Variants in PDZRN3 observed in about 807,000 individuals in gnomAD.
The protein encoded by PDZRN3 is PDZ domain containing ring finger 3, also known as E3 ubiquitin-protein ligase PDZRN3.
PDZRN3 carries 38 observed loss-of-function variants against 85.7 expected under a neutral mutation model. The ratio of observed to expected loss-of-function variants is 0.44; its 90% CI spans 0.34 to 0.58. The LOEUF is 0.58. Among genes scored for constraint, PDZRN3 ranks in the 20% least tolerant of loss-of-function variants. PDZRN3 has a pLI of 0.01. For missense variants in PDZRN3, 1,629 were observed against 1,506.4 expected (o/e 1.08, Z -1.35); for synonymous variants, 759 against 638.0 (o/e 1.19, Z -2.86).
intron 3 of PDZRN3, among the ~76,000 whole-genome samples, chr3:73,492,569 C>T (rs770341158): frequency 2.6e-5 from 4 of 152,130 alleles, no homozygotes; most frequent in Non-Finnish European, 4.4e-5. Context: ...AAGAACACCC[C>T]GCTTCACAGG....
intron 3 of PDZRN3, among the ~76,000 whole-genome samples, chr3:73,522,381 G>T (rs1245820402): frequency 1.3e-5 from 2 of 152,126 alleles, no homozygotes; most frequent in African/African-American, 4.8e-5. Flanking sequence ...CTTACCTTGG[G>T]GCCATAAGCA....
rs372427385 is a variant in PDZRN3, at chr3:73,544,389, AT to A, written c.918+57964del. On this transcript the variant is annotated intron_variant, in intron 3 of 9. Coordinates refer to ENST00000263666, the MANE Select transcript of PDZRN3 (RefSeq NM_015009.3). The stretch of plus-strand genomic sequence containing the variant: ...ATTTTGAACTGTTACGTATTTTTGG[AT>A]TTTTTTTTTCCTATTAAGCCTTTAA... Among the ~76,000 whole-genome samples the A allele has an allele frequency of 8.0e-3, 1,197 of 150,028 alleles. 14 individuals are homozygous for A. Among genetic ancestry groups the A allele is most frequent in the African/African-American group, 0.027 (1,115 of 40,926 alleles).
At chr3:73,565,260 C>G (rs1218238454) in intron 3 of PDZRN3, among the ~76,000 whole-genome samples, 1 of 151,818 alleles carries the variant, frequency 6.6e-6, no homozygotes, top group African/African-American at 2.4e-5. Context: ...TCCCAAGTAG[C>G]TGGGATTACA....
rs529922367 is a variant in PDZRN3, at chr3:73,597,409, A to G, written c.918+4945T>C. On this transcript the variant is annotated intron_variant, in intron 3 of 9. Transcript: ENST00000263666. ...AATCATATCCTCGGGTCTTCAAATC[A>G]TAACACTTGCAAGATGAATGCATAT... is the stretch of plus-strand genomic sequence containing the variant. Among the ~76,000 whole-genome samples, 3 of 152,368 alleles carry G rather than the reference A, an allele frequency of 2.0e-5. No homozygotes were observed. In the East Asian group the frequency reaches 5.8e-4, roughly 29 times the overall value.
At chr3:73,413,852 G>A (rs551015585) in intron 3 of PDZRN3, among the ~76,000 whole-genome samples, 3 of 152,196 alleles carry the variant, frequency 2.0e-5, no homozygotes, top group South Asian at 2.1e-4. Flanking sequence ...GGGCACGTGC[G>A]CTTTACCCTG....
intron 3 of PDZRN3, among the ~76,000 whole-genome samples, chr3:73,553,620 G>A (rs1296338857): frequency 6.6e-6 from 1 of 151,530 alleles, no homozygotes; most frequent in Non-Finnish European, 1.5e-5. Context: ...CAGAGACAAG[G>A]AAACTAAAGG....
intron 3 of PDZRN3, chr3:73,404,680 G>C (rs962263625): frequency 8.6e-6 from 3 of 347,708 alleles, no homozygotes; most frequent in Non-Finnish European, 1.6e-5. Flanking sequence ...TGCTAATCTT[G>C]CCTGTGAAAG....
chr3:73,457,936 T>A (rs895560954), intron 3 of PDZRN3, among the ~76,000 whole-genome samples: 11 of 152,192 alleles, frequency 7.2e-5, no homozygotes, highest in Admixed American at 1.3e-4. Flanking sequence ...CTGTTGTTTA[T>A]AAGCCACCTA....
intron 3 of PDZRN3, among the ~76,000 whole-genome samples, chr3:73,540,318 A>G (rs1047405903): frequency 3.3e-5 from 5 of 152,178 alleles, no homozygotes; most frequent in African/African-American, 1.2e-4. Flanking sequence ...TATTCTGTTC[A>G]GGTTACTCCC....
intron 1 of PDZRN3, among the ~76,000 whole-genome samples, chr3:73,611,468 A>G (rs766160410): frequency 1.3e-5 from 2 of 152,194 alleles, no homozygotes; most frequent in Non-Finnish European, 2.9e-5. Flanking sequence ...TGCTGGGGAG[A>G]AACAAGGGTG....
intron 3 of PDZRN3, among the ~76,000 whole-genome samples, chr3:73,553,399 C>A (rs1701608955): frequency 6.6e-6 from 1 of 151,964 alleles, no homozygotes; most frequent in Non-Finnish European, 1.5e-5. Context: ...CATGGTGAAA[C>A]CCCATCTCTA....
At chr3:73,531,880 T>C (rs2106756793) in intron 3 of PDZRN3, among the ~76,000 whole-genome samples, 1 of 152,354 alleles carries the variant, frequency 6.6e-6, no homozygotes, top group South Asian at 2.1e-4. Flanking sequence ...AAGCAGCCAC[T>C]TTCAGCCCCT....
At chr3:73,536,676 T>G (rs1425735210) in intron 3 of PDZRN3, among the ~76,000 whole-genome samples, 1 of 152,208 alleles carries the variant, frequency 6.6e-6, no homozygotes, top group African/African-American at 2.4e-5. Context: ...GTGTCTAGAA[T>G]GCCACACGTG....
At chr3:73,433,588 T>A in intron 3 of PDZRN3, 1 of 1,230,368 alleles carries the variant, frequency 8.1e-7, no homozygotes, top group Middle Eastern at 1.9e-4. Context: ...AAGTTACACT[T>A]GGCCAGGTGG....
intron 3 of PDZRN3, among the ~76,000 whole-genome samples, chr3:73,528,217 T>TA: frequency 6.6e-6 from 1 of 152,298 alleles, no homozygotes; most frequent in Non-Finnish European, 1.5e-5. Flanking sequence ...CAGCTGGCTT[T>TA]AAAAACCTTC....
chr3:73,508,852 C>T (rs1003784010), intron 3 of PDZRN3, among the ~76,000 whole-genome samples: 1 of 152,114 alleles, frequency 6.6e-6, no homozygotes, highest in African/African-American at 2.4e-5. Context: ...AACCAAGGCC[C>T]TCTCATACAA....
chr3:73,405,162 C>G (rs1352497273), intron 3 of PDZRN3, among the ~76,000 whole-genome samples: 1 of 152,210 alleles, frequency 6.6e-6, no homozygotes, highest in African/African-American at 2.4e-5. Context: ...CCTAGAGCCT[C>G]AAACCTCATG....
At chr3:73,549,908 A>AT in intron 3 of PDZRN3, among the ~76,000 whole-genome samples, 1 of 152,264 alleles carries the variant, frequency 6.6e-6, no homozygotes, top group Admixed American at 6.5e-5. Flanking sequence ...TCCTTGTAGC[A>AT]TTTTTTATTT....
At chr3:73,576,470 T>C (rs1260647104) in intron 3 of PDZRN3, among the ~76,000 whole-genome samples, 1 of 152,192 alleles carries the variant, frequency 6.6e-6, no homozygotes, top group East Asian at 1.9e-4. Context: ...AGCCTGACTT[T>C]AGCAGGGACT....
Sources: gnomAD v4.1 joint callset for allele counts (sites outside exome capture counted in the v4.1 genomes callset) on GRCh38, gnomAD v4.1.1 for gene constraint, MANE v1.5 for transcripts, NCBI Gene and HGNC (gene_info 2026-07-23, HGNC 2026-07-21) for gene names.